Variants in NKAIN3 observed in about 807,000 individuals in gnomAD.
NKAIN3 encodes the protein sodium/potassium transporting ATPase interacting 3.
NKAIN3 carries 25 observed loss-of-function variants against 30.2 expected under a neutral mutation model. That is an observed-to-expected ratio of 0.83 (90% confidence interval 0.60 to 1.16). The LOEUF (loss-of-function observed/expected upper bound fraction) is 1.16, where lower values mean the gene tolerates loss of function less well. Among genes scored for constraint, NKAIN3 ranks in the 50% most tolerant of loss-of-function variants. The pLI is 0.00. For missense variants in NKAIN3, 225 were observed against 254.1 expected (o/e 0.89, Z 0.78); for synonymous variants, 91 against 89.6 (o/e 1.02, Z -0.09).
intron 3 of NKAIN3, among the ~76,000 whole-genome samples, chr8:62,680,743 T>C (rs1563513691): frequency 6.6e-6 from 1 of 152,134 alleles, no homozygotes; most frequent in Non-Finnish European, 1.5e-5. Context: ...CACTTTAATG[T>C]CTCTTTACAA....
At chr8:62,752,840 C>A (rs1816330046) in intron 4 of NKAIN3, among the ~76,000 whole-genome samples, 1 of 152,014 alleles carries the variant, frequency 6.6e-6, no homozygotes, top group East Asian at 1.9e-4. Context: ...TTTAATGAGG[C>A]TATGTCTTGA....
intron 4 of NKAIN3, among the ~76,000 whole-genome samples, chr8:62,775,054 G>T (rs1817145220): frequency 6.6e-6 from 1 of 152,040 alleles, no homozygotes; most frequent in African/African-American, 2.4e-5. Flanking sequence ...TTGCTGGGAG[G>T]CTTCTTATTA....
chr8:62,846,497 AC>A (rs1819694111), intron 4 of NKAIN3, among the ~76,000 whole-genome samples: 1 of 151,872 alleles, frequency 6.6e-6, no homozygotes, highest in East Asian at 1.9e-4. Context: ...CCACCCTCCA[AC>A]AGGTCCCATG....
intron 3 of NKAIN3, among the ~76,000 whole-genome samples, chr8:62,713,393 C>T (rs964265766): frequency 6.6e-6 from 1 of 152,206 alleles, no homozygotes; most frequent in African/African-American, 2.4e-5. Flanking sequence ...ATGCCTTTAA[C>T]AAATTAATGA....
intron 3 of NKAIN3, among the ~76,000 whole-genome samples, chr8:62,682,377 T>C (rs1813669546): frequency 6.6e-6 from 1 of 152,100 alleles, no homozygotes; most frequent in African/African-American, 2.4e-5. Context: ...ACAGGGGTCC[T>C]TGGGGAGGGC....
chr8:62,468,248 GA>G (rs1200271824), intron 1 of NKAIN3, among the ~76,000 whole-genome samples: 1 of 152,124 alleles, frequency 6.6e-6, no homozygotes, highest in Non-Finnish European at 1.5e-5. Flanking sequence ...AATATAAACA[GA>G]AATTAGGATC....
In NKAIN3 at chr8:62,417,066, ATTCT is replaced by A. The variant is rs527625297; in HGVS notation, c.55-162468_55-162465del. 1.8e-3 allele frequency among the ~76,000 whole-genome samples: 278 copies of A among 151,442 alleles called. 1 individual carries two copies. The highest frequency in any genetic ancestry group is 6.5e-3 in the African/African-American group (268 of 41,244). ...TACCATCAAATACTAGATCTTATTCATTCTTTCTATTTTTTCACACCCATTAACC... is the reference window on the plus strand; with the variant it reads ...TACCATCAAATACTAGATCTTATTCATTCTATTTTTTCACACCCATTAACC... On this transcript the variant is annotated intron_variant, in intron 1 of 6. Transcript: ENST00000623646.
Position 62,977,108 on chromosome 8 carries a change from C to T in NKAIN3, c.*11701C>T, listed in dbSNP as rs887033567. On this transcript the variant is annotated 3_prime_UTR_variant, in exon 7 of 7. Transcript: ENST00000623646. The stretch of plus-strand genomic sequence containing the variant: ...TAACCCAACTTTTCTCTCTGGCTGC[C>T]CTTAACATTTTTTCTTTCAGTTCAA... 6.6e-6 allele frequency among the ~76,000 whole-genome samples: 1 copy of T among 152,104 alleles called. No individual in the cohort carries two copies. Among genetic ancestry groups the T allele is most frequent in the East Asian group, 1.9e-4 (1 of 5,184 alleles).
rs565063520 is a variant in NKAIN3 at position 62,489,892 on chromosome 8, C to T, written c.55-89647C>T. Among the ~76,000 whole-genome samples, 4 of 152,264 alleles carry T rather than the reference C, an allele frequency of 2.6e-5. No individual in the cohort carries two copies. In the East Asian group the frequency reaches 5.8e-4, roughly 22 times the overall value. ...GTCACGACACCAAAGGTCTGGCTTC[C>T]AGTTCAACTTCACTGTTTTCTTATG... On this transcript the variant is annotated intron_variant, in intron 1 of 6. Transcript: ENST00000623646.
At chr8:62,898,401 A>C (rs535810112) in intron 4 of NKAIN3, among the ~76,000 whole-genome samples, 1 of 152,282 alleles carries the variant, frequency 6.6e-6, no homozygotes, top group East Asian at 1.9e-4. Context: ...GAATGAAATA[A>C]TGTCTTCTGC....
intron 1 of NKAIN3, among the ~76,000 whole-genome samples, chr8:62,421,234 C>T (rs1332480008): frequency 2.6e-5 from 4 of 152,144 alleles, no homozygotes; most frequent in Non-Finnish European, 5.9e-5. Context: ...TAACCTCTGG[C>T]TATAGCCCAG....
chr8:62,473,658 T>C (rs574303290), intron 1 of NKAIN3, among the ~76,000 whole-genome samples: 1 of 152,278 alleles, frequency 6.6e-6, no homozygotes, highest in East Asian at 1.9e-4. Flanking sequence ...CCCTTAGGGA[T>C]TTTGAACTTG....
chr8:62,725,939 T>C (rs1476309183), intron 3 of NKAIN3, among the ~76,000 whole-genome samples: 1 of 152,084 alleles, frequency 6.6e-6, no homozygotes, highest in Non-Finnish European at 1.5e-5. Context: ...GGGTAGCATG[T>C]ACACTTTAAC....
chr8:62,772,050 C>A (rs929360652), intron 4 of NKAIN3, among the ~76,000 whole-genome samples: 1 of 152,146 alleles, frequency 6.6e-6, no homozygotes, highest in Non-Finnish European at 1.5e-5. Context: ...ACCATCCCTA[C>A]TACCCCCCAC....
intron 3 of NKAIN3, among the ~76,000 whole-genome samples, chr8:62,682,189 C>T (rs998786399): frequency 1.3e-5 from 2 of 152,090 alleles, no homozygotes; most frequent in Non-Finnish European, 2.9e-5. Flanking sequence ...AAAAGGGGAT[C>T]GTTCCCCCTT....
intron 4 of NKAIN3, among the ~76,000 whole-genome samples, chr8:62,889,942 A>T (rs1228700773): frequency 2.0e-5 from 3 of 152,204 alleles, no homozygotes; most frequent in Non-Finnish European, 4.4e-5. Flanking sequence ...ATAAAAAAAA[A>T]CAAAGTTTCT....
chr8:62,484,919 G>C (rs1474895506), intron 1 of NKAIN3, among the ~76,000 whole-genome samples: 3 of 152,160 alleles, frequency 2.0e-5, no homozygotes, highest in Non-Finnish European at 4.4e-5. Context: ...CATTCACTAG[G>C]CTGTGGACTT....
intron 3 of NKAIN3, among the ~76,000 whole-genome samples, chr8:62,627,102 T>A (rs910017299): frequency 2.5e-4 from 38 of 152,232 alleles, no homozygotes; most frequent in African/African-American, 8.9e-4. Context: ...CTGGGAGATA[T>A]AATGGACAGA....
chr8:62,576,606 T>C (rs144357959), intron 1 of NKAIN3, among the ~76,000 whole-genome samples: 34 of 152,258 alleles, frequency 2.2e-4, no homozygotes, highest in African/African-American at 7.5e-4. Context: ...AAATTTAACA[T>C]AGGTTCTCGA....
Sources: allele counts gnomAD v4.1 joint callset (sites outside exome capture counted in the v4.1 genomes callset), GRCh38; gene constraint gnomAD v4.1.1; transcripts MANE v1.5; gene names NCBI Gene and HGNC (gene_info 2026-07-23, HGNC 2026-07-21).